Variants in EPHA4 observed in about 807,000 individuals in gnomAD.
EPHA4 encodes EPH receptor A4, also known as ephrin type-A receptor 4.
A neutral mutation model predicts 108.3 loss-of-function variants in EPHA4; 19 were observed. The ratio of observed to expected loss-of-function variants is 0.18; its 90% CI spans 0.12 to 0.26. The LOEUF is 0.26. EPHA4 is among the 10% of genes least tolerant of loss of function. The pLI, the probability that EPHA4 is intolerant of heterozygous loss-of-function variation, is 1.00. For synonymous variants in EPHA4, 449 were observed against 455.5 expected (o/e 0.99, Z 0.18); for missense variants, 917 against 1,254.0 (o/e 0.73, Z 4.06).
chr2:221,549,699 C>T lies in EPHA4; in HGVS notation c.823+14032G>A, dbSNP rs756304497. ...TTAAGATCTACACAAAGCCCAAAGC[C>T]GGGCGCAGTGGCTCACATGGCTCAC... On this transcript the variant is annotated intron_variant, in intron 3 of 17. Transcript: ENST00000281821. Among the ~76,000 whole-genome samples the T allele has an allele frequency of 5.3e-5, 8 of 152,324 alleles. No individual in the cohort carries two copies. In the East Asian group the frequency reaches 1.2e-3, roughly 22 times the overall value.
intron 3 of EPHA4, among the ~76,000 whole-genome samples, chr2:221,560,109 G>A (rs560164529): frequency 4.5e-5 from 3 of 66,094 alleles, no homozygotes; most frequent in Non-Finnish European, 6.4e-5. Flanking sequence ...CCAGGCCCCC[G>A]CCCGCCCTGC....
At chr2:221,472,730 C>G (rs1212521470) in intron 5 of EPHA4, among the ~76,000 whole-genome samples, 1 of 152,068 alleles carries the variant, frequency 6.6e-6, no homozygotes, top group Non-Finnish European at 1.5e-5. Flanking sequence ...CCAAGAGTAA[C>G]AGCAAGAATA....
In EPHA4 at chr2:221,572,200, A is replaced by T. The variant is rs1397108495; in HGVS notation, c.49T>A (p.Cys17Ser). The T allele has an allele frequency of 6.2e-7, 1 of 1,614,166 alleles. No individual in the cohort carries two copies. The highest frequency in any genetic ancestry group is 1.7e-5 in the Admixed American group (1 of 60,036). Reference protein sequence around the residue: ...FALFSCLFGICDAVTGSRVYP... With the variant: ...FALFSCLFGISDAVTGSRVYP... ...ACCCTGGAACCTGTGACAGCGTCGC[A>T]AATCCCGAAGAGACACGAAAATAGG... Residue 17 changes from cysteine to serine, a missense_variant, in exon 1 of 18, where the codon TGC becomes AGC. Around this residue, in one of 3 missense-constraint regions of EPHA4, gnomAD observed 758 missense variants for 1,076.7 expected, o/e 0.70. Transcript: ENST00000281821.
intron 3 of EPHA4, among the ~76,000 whole-genome samples, chr2:221,513,476 G>C (rs991637166): frequency 6.6e-6 from 1 of 152,174 alleles, no homozygotes; most frequent in Non-Finnish European, 1.5e-5. Context: ...GCAGTAATAA[G>C]TGCTCAGTGC....
At chr2:221,566,848 GAGAAGGAGA>G (rs556877565) in intron 2 of EPHA4, among the ~76,000 whole-genome samples, 2 of 39,518 alleles carry the variant, frequency 5.1e-5, no homozygotes, top group African/African-American at 2.9e-4. Context: ...GAAGGAGAAG[GAGAAGGAGA>G]AGAAGAAGAA....
chr2:221,450,290 A>C (rs1690739623), intron 8 of EPHA4, among the ~76,000 whole-genome samples: 1 of 152,234 alleles, frequency 6.6e-6, no homozygotes, highest in Non-Finnish European at 1.5e-5. Flanking sequence ...AGGCTGAACC[A>C]TAACTGTTTC....
intron 4 of EPHA4, among the ~76,000 whole-genome samples, chr2:221,488,117 T>TAGACAATACCTTAACAA (rs1692030750): frequency 6.6e-6 from 1 of 152,174 alleles, no homozygotes; most frequent in Non-Finnish European, 1.5e-5. Context: ...AAAGAAGCCA[T>TAGACAATACCTTAACAA]AGACAATACC....
intron 11 of EPHA4, among the ~76,000 whole-genome samples, chr2:221,441,452 C>T (rs975255620): frequency 6.6e-6 from 1 of 151,934 alleles, no homozygotes; most frequent in African/African-American, 2.4e-5. Flanking sequence ...TTCCCCTTTC[C>T]AGCTCCCCAT....
At position 221,572,189 on chromosome 2, in the gene EPHA4, G is replaced by C; in HGVS notation, c.60C>G (p.Val20=). ...FSCLFGICDA[V]TGSRVYPANE... ...TCGCGGGGTATACCCTGGAACCTGTGACAGCGTCGCAAATCCCGAAGAGAC... is the reference window on the plus strand; with the variant it reads ...TCGCGGGGTATACCCTGGAACCTGTCACAGCGTCGCAAATCCCGAAGAGAC... Residue 20 remains valine (V), a synonymous_variant, in exon 1 of 18, where the codon GTC becomes GTG. Coordinates refer to ENST00000281821, the MANE Select transcript of EPHA4 (RefSeq NM_004438.5). 2 of 1,614,136 alleles carry C rather than the reference G, an allele frequency of 1.2e-6. No homozygotes were observed. Among genetic ancestry groups the C allele is most frequent in the Admixed American group, 1.7e-5 (1 of 60,032 alleles).
chr2:221,538,995 G>A (rs1693754233), intron 3 of EPHA4, among the ~76,000 whole-genome samples: 1 of 152,142 alleles, frequency 6.6e-6, no homozygotes, highest in South Asian at 2.1e-4. Context: ...GTACAGAACT[G>A]CCATATATAG....
At chr2:221,445,072 C>T (rs1421927812) in intron 9 of EPHA4, among the ~76,000 whole-genome samples, 1 of 152,054 alleles carries the variant, frequency 6.6e-6, no homozygotes, top group Non-Finnish European at 1.5e-5. Flanking sequence ...TTTCTTCTAT[C>T]TTTCTGCACT....
intron 9 of EPHA4, among the ~76,000 whole-genome samples, chr2:221,444,531 T>C (rs1044260099): frequency 3.9e-5 from 6 of 152,084 alleles, no homozygotes; most frequent in African/African-American, 9.7e-5. Context: ...GCTCCTTAAA[T>C]TGGCAATTTC....
intron 3 of EPHA4, among the ~76,000 whole-genome samples, chr2:221,536,883 C>T (rs73994289): frequency 0.023 from 3,478 of 152,278 alleles, 110 homozygotes; most frequent in African/African-American, 0.071. Flanking sequence ...AGGATAATGA[C>T]AGTCACTATT....
intron 1 of EPHA4, among the ~76,000 whole-genome samples, chr2:221,570,820 A>G (rs1317370183): frequency 1.3e-5 from 2 of 152,096 alleles, no homozygotes; most frequent in Admixed American, 6.6e-5. Flanking sequence ...GGACGGACGG[A>G]CGGACAGATA....
intron 5 of EPHA4, among the ~76,000 whole-genome samples, chr2:221,474,956 C>T (rs1691612315): frequency 6.6e-6 from 1 of 151,996 alleles, no homozygotes; most frequent in Non-Finnish European, 1.5e-5. Flanking sequence ...GCAGCCTCCA[C>T]CTCCTGGGTT....
intron 11 of EPHA4, among the ~76,000 whole-genome samples, chr2:221,438,713 A>T (rs905840578): frequency 1.3e-5 from 2 of 152,078 alleles, no homozygotes; most frequent in African/African-American, 4.8e-5. Flanking sequence ...TGAGCCCAGG[A>T]GGCAGAGGTT....
chr2:221,564,887 C>CAAAAAAAAAAAA lies in EPHA4; in HGVS notation c.160-505_160-494dup, dbSNP rs1233305564. ...GTCAGAACTTTGCTCTCTAATACCT[C>CAAAAAAAAAAAA]AAAAAAAAAAAAAAAAAAAAAAAAG... is the stretch of plus-strand genomic sequence containing the variant. On this transcript the variant is annotated intron_variant, in intron 2 of 17. Coordinates refer to ENST00000281821, the MANE Select transcript of EPHA4 (RefSeq NM_004438.5). Among the ~76,000 whole-genome samples the CAAAAAAAAAAAA allele has an allele frequency of 2.7e-5, 2 of 73,066 alleles. 1 individual carries two copies. Among genetic ancestry groups the CAAAAAAAAAAAA allele is most frequent in the Non-Finnish European group, 5.8e-5 (2 of 34,554 alleles). The allele number at this position is 73,066 out of a possible 152,430, so 47.9% of individuals were successfully genotyped here.
upstream of EPHA4, chr2:221,572,388 G>A (rs951197902): frequency 8.9e-6 from 6 of 676,284 alleles, no homozygotes; most frequent in African/African-American, 1.9e-5. Context: ...GGGGCCCGCG[G>A]CCAATGGCGG....
intron 3 of EPHA4, among the ~76,000 whole-genome samples, chr2:221,533,583 A>G (rs1414197105): frequency 2.0e-5 from 3 of 152,096 alleles, no homozygotes; most frequent in Non-Finnish European, 4.4e-5. Context: ...TTCTAAACAC[A>G]CAGATTACAG....
Sources: gnomAD v4.1 joint callset for allele counts (sites outside exome capture counted in the v4.1 genomes callset) on GRCh38, gnomAD v4.1.1 for gene constraint, gnomAD v4.1.1 regional missense constraint, MANE v1.5 for transcripts, NCBI Gene and HGNC (gene_info 2026-07-23, HGNC 2026-07-21) for gene names.